The following LCLAT1 variants were observed in gnomAD, a reference collection of about 807,000 sequenced individuals.
LCLAT1 encodes 1-AGP acyltransferase 8.
Under a neutral mutation model 30.7 loss-of-function variants are expected in LCLAT1, and 11 were observed. That is an observed-to-expected ratio of 0.36 (90% confidence interval 0.23 to 0.59). The LOEUF (loss-of-function observed/expected upper bound fraction) is 0.59. Ranked by LOEUF, LCLAT1 falls within the 20% of genes least tolerant of loss-of-function variation. LCLAT1 has a pLI of 0.77. For synonymous variants in LCLAT1, 155 were observed against 151.3 expected (o/e 1.02, Z -0.18); for missense variants, 402 against 458.6 (o/e 0.88, Z 1.13).
intron 3 of LCLAT1, among the ~76,000 whole-genome samples, chr2:30,555,579 C>T (rs1206512103): frequency 2.6e-5 from 4 of 151,978 alleles, no homozygotes; most frequent in African/African-American, 9.7e-5. Context: ...GAAAGCATAT[C>T]CTTTTTAATA....
At position 30,634,584 on chromosome 2, in the gene LCLAT1, G is replaced by A. The variant is rs181110397; in HGVS notation, c.629-5533G>A. 2.0e-4 allele frequency among the ~76,000 whole-genome samples: 30 copies of A among 152,182 alleles called. No individual in the cohort carries two copies. The East Asian group carries it at 3.1e-3, about 16-fold the overall frequency. On this transcript the variant is annotated intron_variant, in intron 5 of 5. Transcript: ENST00000379509. ...AGGTTGCAGTGAGCCGGCGACAAGC[G>A]CAAAACTCCATCTCAAAATAAAAAT...
intron 5 of LCLAT1, among the ~76,000 whole-genome samples, chr2:30,588,694 G>A (rs545735212): frequency 1.8e-4 from 28 of 151,930 alleles, no homozygotes; most frequent in Non-Finnish European, 2.8e-4. Flanking sequence ...TCCGTCTCCC[G>A]GGTTCAAACA....
At position 30,453,284 on chromosome 2, in the gene LCLAT1, G is replaced by A. The variant is rs1234491419; in HGVS notation, c.-5+5901G>A. ...TGAAGAAAGAGGAATGAGTGGTGGCGGCGGTTCTTCCAGCTCTTCCAGCTC... is the reference window on the plus strand; with the variant it reads ...TGAAGAAAGAGGAATGAGTGGTGGCAGCGGTTCTTCCAGCTCTTCCAGCTC... On this transcript the variant is annotated intron_variant, in intron 1 of 5. Coordinates refer to ENST00000379509, the MANE Select transcript of LCLAT1 (RefSeq NM_001002257.3). 2.6e-5 allele frequency among the ~76,000 whole-genome samples: 4 copies of A among 152,062 alleles called. No individual in the cohort carries two copies. The East Asian group carries it at 5.8e-4, about 22-fold the overall frequency.
At position 30,641,519 on chromosome 2, in the gene LCLAT1, A is replaced by G. The variant is rs1361965100; in HGVS notation, c.*900A>G. 2 of 152,152 alleles carry G rather than the reference A, an allele frequency of 1.3e-5. No individual in the cohort carries two copies. The highest frequency in any genetic ancestry group is 3.8e-4 in the East Asian group (2 of 5,196). The allele number at this position is 152,152 out of a possible 1,614,324, so 9.4% of individuals were successfully genotyped here. On this transcript the variant is annotated 3_prime_UTR_variant, in exon 6 of 6. Coordinates refer to ENST00000379509, the MANE Select transcript of LCLAT1 (RefSeq NM_001002257.3). ...TTGAAATATTTCTTTACAACCTACC[A>G]AAAAAGGAAGGTTGTTTTTTCTACA...
chr2:30,451,345 T>G lies in LCLAT1; in HGVS notation c.-5+3962T>G, dbSNP rs143880697. On this transcript the variant is annotated intron_variant, in intron 1 of 5. Coordinates refer to ENST00000379509, the MANE Select transcript of LCLAT1 (RefSeq NM_001002257.3). The stretch of plus-strand genomic sequence containing the variant: ...GGGGATGTCAAATGGTACAGTCACT[T>G]TGGAAGACTGTGGCTTTGTCTACTC... Among the ~76,000 whole-genome samples, 18 of 152,340 alleles carry G rather than the reference T, an allele frequency of 1.2e-4. No individual in the cohort carries two copies. The East Asian group carries it at 3.3e-3, about 28-fold the overall frequency.
chr2:30,633,233 C>G lies in LCLAT1; in HGVS notation c.629-6884C>G, dbSNP rs556237030. 1.6e-4 allele frequency among the ~76,000 whole-genome samples: 24 copies of G among 152,308 alleles called. No homozygotes were observed. The East Asian group carries it at 2.3e-3, about 15-fold the overall frequency. On this transcript the variant is annotated intron_variant, in intron 5 of 5. Transcript: ENST00000379509. The stretch of plus-strand genomic sequence containing the variant: ...TTTGAAAAACAATGTACAAAATCAG[C>G]AGCCTCAGCATTTCCTTTCAACTCA...
At chr2:30,535,208 G>A (rs766654432) in intron 3 of LCLAT1, among the ~76,000 whole-genome samples, 2 of 152,066 alleles carry the variant, frequency 1.3e-5, no homozygotes, top group African/African-American at 2.4e-5. Flanking sequence ...AGAAAACCAT[G>A]TATCACCCAT....
intron 5 of LCLAT1, among the ~76,000 whole-genome samples, chr2:30,635,167 A>G (rs968756039): frequency 6.6e-6 from 1 of 152,068 alleles, no homozygotes. Flanking sequence ...TGGGAGAATG[A>G]AGTGGGAGGA....
intron 1 of LCLAT1, among the ~76,000 whole-genome samples, chr2:30,522,786 CAT>C (rs766924749): frequency 3.3e-5 from 5 of 152,152 alleles, no homozygotes; most frequent in Non-Finnish European, 7.3e-5. Context: ...AGTTTAGAGA[CAT>C]ATTTCAGGGC....
At chr2:30,560,285 TG>T (rs1233272561) in intron 3 of LCLAT1, among the ~76,000 whole-genome samples, 4 of 31,342 alleles carry the variant, frequency 1.3e-4, no homozygotes, top group Non-Finnish European at 2.3e-4. Context: ...TAAAGTGTGG[TG>T]TGTGTGTGTG....
At chr2:30,484,305 T>G (rs996835611) in intron 1 of LCLAT1, among the ~76,000 whole-genome samples, 4 of 152,208 alleles carry the variant, frequency 2.6e-5, no homozygotes, top group Admixed American at 2.0e-4. Context: ...AAAGGAGTTC[T>G]AAAAATATTA....
At chr2:30,595,255 G>GT (rs1047545412) in intron 5 of LCLAT1, among the ~76,000 whole-genome samples, 1 of 151,920 alleles carries the variant, frequency 6.6e-6, no homozygotes, top group Non-Finnish European at 1.5e-5. Flanking sequence ...ACTATCCTTT[G>GT]TGGGGGTTTT....
chr2:30,481,893 A>G (rs1474391271), intron 1 of LCLAT1, among the ~76,000 whole-genome samples: 1 of 152,146 alleles, frequency 6.6e-6, no homozygotes, highest in Non-Finnish European at 1.5e-5. Flanking sequence ...TGGCTGTAGG[A>G]ACTTAGTATT....
intron 5 of LCLAT1, among the ~76,000 whole-genome samples, chr2:30,609,531 C>G (rs1667630973): frequency 6.6e-6 from 1 of 152,094 alleles, no homozygotes; most frequent in Non-Finnish European, 1.5e-5. Context: ...GCTTTGAACT[C>G]TATTCTGATA....
rs188186318 is a variant in LCLAT1, at chr2:30,552,601, A to G, written c.365-9545A>G. 4.6e-4 allele frequency: 199 copies of G among 436,540 alleles called. 1 individual carries two copies. The East Asian group carries it at 0.012, about 26-fold the overall frequency. 27.0% of individuals were successfully genotyped at this position (436,540 alleles called of 1,614,324 possible). On this transcript the variant is annotated intron_variant, in intron 3 of 5. Coordinates refer to ENST00000379509, the MANE Select transcript of LCLAT1 (RefSeq NM_001002257.3). ...AGAGTTTTTAAAAGCCTTCGTGGAA[A>G]TTAATCATCTTAGAAGAGGGATGTG...
intron 5 of LCLAT1, among the ~76,000 whole-genome samples, chr2:30,626,449 T>C (rs1007497961): frequency 6.6e-6 from 1 of 152,194 alleles, no homozygotes; most frequent in Non-Finnish European, 1.5e-5. Context: ...GTCTTTGTGA[T>C]TTTCTCACGT....
At chr2:30,503,534 G>T (rs772551999) in intron 1 of LCLAT1, among the ~76,000 whole-genome samples, 3 of 152,138 alleles carry the variant, frequency 2.0e-5, no homozygotes, top group Non-Finnish European at 4.4e-5. Context: ...ATTTTGAAAT[G>T]ATTTCACATA....
intron 5 of LCLAT1, among the ~76,000 whole-genome samples, chr2:30,587,230 C>T (rs762534567): frequency 2.0e-5 from 3 of 152,146 alleles, no homozygotes; most frequent in Non-Finnish European, 4.4e-5. Flanking sequence ...TCTTTTAATT[C>T]TAATATTTGA....
chr2:30,586,137 C>T (rs1398838000), intron 5 of LCLAT1, among the ~76,000 whole-genome samples: 1 of 149,660 alleles, frequency 6.7e-6, no homozygotes, highest in African/African-American at 2.5e-5. Context: ...CCAGCTACTC[C>T]AGAGGCTGAG....
Sources: allele counts gnomAD v4.1 joint callset (sites outside exome capture counted in the v4.1 genomes callset), GRCh38; gene constraint gnomAD v4.1.1; transcripts MANE v1.5; gene names NCBI Gene and HGNC (gene_info 2026-07-23, HGNC 2026-07-21).